The following MTUS2 variants were observed in gnomAD, a reference collection of about 807,000 sequenced individuals.
MTUS2 encodes the protein microtubule associated scaffold protein 2, also known as microtubule-associated tumor suppressor candidate 2.
In MTUS2, 40 loss-of-function variants were observed where a neutral mutation model predicts 114.1. The observed-to-expected ratio is 0.35, with a 90% CI of 0.27 to 0.46. MTUS2 has a LOEUF of 0.46. Ranked by LOEUF, MTUS2 falls within the 20% of genes least tolerant of loss-of-function variation. The pLI is 1.00. For missense variants in MTUS2, 1,679 were observed against 1,705.4 expected, an observed-to-expected ratio of 0.98 and a Z score of 0.27; for synonymous variants, 688 against 672.0, an observed-to-expected ratio of 1.02 and a Z score of -0.37.
chr13:28,968,649 A>G (rs1388183799), intron 2 of MTUS2, among the ~76,000 whole-genome samples: 2 of 152,138 alleles, frequency 1.3e-5, no homozygotes, highest in Admixed American at 6.5e-5. Context: ...AAAAATTTTC[A>G]TGTCCTATTT....
intron 6 of MTUS2, among the ~76,000 whole-genome samples, chr13:29,284,035 C>A (rs1898377834): frequency 6.6e-6 from 1 of 152,168 alleles, no homozygotes; most frequent in African/African-American, 2.4e-5. Flanking sequence ...TGCATTTATT[C>A]TTTGACATAA....
chr13:29,348,200 T>C (rs976106800), intron 7 of MTUS2, among the ~76,000 whole-genome samples: 22 of 152,190 alleles, frequency 1.4e-4, no homozygotes, highest in African/African-American at 4.6e-4. Context: ...GCCCCTATCC[T>C]GAAACTATCC....
intron 5 of MTUS2, among the ~76,000 whole-genome samples, chr13:29,247,981 A>C (rs1896987411): frequency 6.6e-6 from 1 of 152,244 alleles, no homozygotes; most frequent in Non-Finnish European, 1.5e-5. Context: ...TCACAATTCC[A>C]AAAATGTGGA....
chr13:29,117,782 C>A (rs1247902587), intron 5 of MTUS2, among the ~76,000 whole-genome samples: 2 of 152,192 alleles, frequency 1.3e-5, no homozygotes, highest in Non-Finnish European at 2.9e-5. Flanking sequence ...TTTACGCTGA[C>A]CCCTTTGATT....
chr13:28,955,538 TATATGTG>T (rs924960978), intron 2 of MTUS2, among the ~76,000 whole-genome samples: 1 of 152,148 alleles, frequency 6.6e-6, no homozygotes, highest in Non-Finnish European at 1.5e-5. Flanking sequence ...GTGTGACCCA[TATATGTG>T]ATGGTTTTCT....
chr13:28,942,279 T>C (rs539893398), intron 2 of MTUS2, among the ~76,000 whole-genome samples: 1 of 152,084 alleles, frequency 6.6e-6, no homozygotes, highest in African/African-American at 2.4e-5. Flanking sequence ...CACAATGAGA[T>C]ACCAGCACCC....
intron 1 of MTUS2, among the ~76,000 whole-genome samples, chr13:28,829,710 C>T (rs922043977): frequency 2.0e-5 from 3 of 152,132 alleles, no homozygotes; most frequent in African/African-American, 7.2e-5. Flanking sequence ...TTTTGGAAAA[C>T]AATCAGCAGT....
chr13:29,279,845 T>C (rs1898200623), intron 5 of MTUS2, among the ~76,000 whole-genome samples: 1 of 152,192 alleles, frequency 6.6e-6, no homozygotes, highest in Non-Finnish European at 1.5e-5. Context: ...TGCAAGAGGA[T>C]TTGATACAAG....
chr13:29,026,710 C>T lies in MTUS2; in HGVS notation c.2012C>T (p.Pro671Leu), dbSNP rs766110429. ...SLVPVGLPYA[P>L]PTCTMPLPHE... Reference sequence around the variant, plus strand: ...GTTCCAGTGGGGCTTCCATATGCCCCGCCCACATGTACCATGCCTCTTCCC... The same window carrying T: ...GTTCCAGTGGGGCTTCCATATGCCCTGCCCACATGTACCATGCCTCTTCCC... The change falls in exon 3 of 16, where the codon CCG becomes CTG. Residue 671 changes from proline (P) to leucine (L), a missense_variant. By Grantham distance (98) the Pro-to-Leu change is moderately conservative. This residue lies in a region of MTUS2 where 822 missense variants were observed against 899.7 expected (regional missense o/e 0.91). Coordinates refer to ENST00000612955, the MANE Select transcript of MTUS2 (RefSeq NM_001033602.4). The T allele has an allele frequency of 1.4e-5, 23 of 1,613,950 alleles. 1 individual carries two copies. Among genetic ancestry groups the T allele is most frequent in the Admixed American group, 5.0e-5 (3 of 60,020 alleles).
At chr13:28,988,713 T>C (rs1884696122) in intron 2 of MTUS2, among the ~76,000 whole-genome samples, 2 of 152,170 alleles carry the variant, frequency 1.3e-5, no homozygotes, top group African/African-American at 4.8e-5. Flanking sequence ...CCATTAATTA[T>C]CAAATATTCA....
intron 10 of MTUS2, among the ~76,000 whole-genome samples, chr13:29,481,626 G>A (rs1881188122): frequency 6.6e-6 from 1 of 152,100 alleles, no homozygotes; most frequent in Non-Finnish European, 1.5e-5. Flanking sequence ...CATCTCAGAC[G>A]ACAATACCCA....
At chr13:28,975,763 CA>C (rs554044783) in intron 2 of MTUS2, among the ~76,000 whole-genome samples, 172 of 152,324 alleles carry the variant, frequency 1.1e-3, no homozygotes, top group African/African-American at 3.9e-3. Flanking sequence ...GGCACAGGAA[CA>C]TGTTGATTAT....
intron 2 of MTUS2, among the ~76,000 whole-genome samples, chr13:28,914,803 T>C (rs1056424190): frequency 6.6e-6 from 1 of 152,132 alleles, no homozygotes; most frequent in African/African-American, 2.4e-5. Flanking sequence ...TAGTTAGTTC[T>C]TCTTGTTGAA....
chr13:29,409,583 C>G (rs1258373498), intron 8 of MTUS2, among the ~76,000 whole-genome samples: 1 of 152,128 alleles, frequency 6.6e-6, no homozygotes, highest in Non-Finnish European at 1.5e-5. Flanking sequence ...CCTATTGTTT[C>G]TGTTTCATTC....
chr13:29,223,280 C>T (rs1895979459), intron 5 of MTUS2, among the ~76,000 whole-genome samples: 1 of 152,108 alleles, frequency 6.6e-6, no homozygotes, highest in South Asian at 2.1e-4. Flanking sequence ...CCATAAAATC[C>T]CTGGACTCAA....
chr13:29,329,515 A>G (rs953696755), intron 7 of MTUS2, among the ~76,000 whole-genome samples: 1 of 151,972 alleles, frequency 6.6e-6, no homozygotes, highest in African/African-American at 2.4e-5. Context: ...TATATGTCTC[A>G]CATTTTCTTT....
At chr13:29,461,963 AAAG>A (rs1456751150) in intron 9 of MTUS2, among the ~76,000 whole-genome samples, 1 of 152,170 alleles carries the variant, frequency 6.6e-6, no homozygotes, top group Non-Finnish European at 1.5e-5. Context: ...CCAGACCCAA[AAAG>A]AAGGAGCCAG....
At chr13:29,223,588 AC>A (rs1417578604) in intron 5 of MTUS2, among the ~76,000 whole-genome samples, 2 of 152,068 alleles carry the variant, frequency 1.3e-5, no homozygotes, top group Non-Finnish European at 2.9e-5. Context: ...TCAATAAAGC[AC>A]CTCTTTGTCT....
intron 2 of MTUS2, among the ~76,000 whole-genome samples, chr13:28,888,763 C>A (rs937454768): frequency 1.3e-5 from 2 of 152,240 alleles, no homozygotes; most frequent in East Asian, 1.9e-4. Flanking sequence ...GATTATTATT[C>A]TGCCTGCAAA....
Sources: allele counts gnomAD v4.1 joint callset (sites outside exome capture counted in the v4.1 genomes callset), GRCh38; gene constraint gnomAD v4.1.1; regional missense constraint gnomAD v4.1.1; transcripts MANE v1.5; gene names NCBI Gene and HGNC (gene_info 2026-07-23, HGNC 2026-07-21).